The following NF1 variants were observed in gnomAD, a reference collection of about 807,000 sequenced individuals.
The protein encoded by NF1 is neurofibromin.
NF1 carries 122 observed loss-of-function variants against 325.7 expected under a neutral mutation model. The ratio of observed to expected loss-of-function variants is 0.37; its 90% CI spans 0.32 to 0.44. The LOEUF is 0.44. Among genes scored for constraint, NF1 ranks in the 20% least tolerant of loss-of-function variants. The pLI, the probability that NF1 is intolerant of heterozygous loss-of-function variation, is 1.00. For missense variants in NF1, 2,140 were observed against 3,415.4 expected, an observed-to-expected ratio of 0.63 and a Z score of 9.31; for synonymous variants, 1,091 against 1,186.0, an observed-to-expected ratio of 0.92 and a Z score of 1.65.
intron 12 of NF1, among the ~76,000 whole-genome samples, chr17:31,211,661 A>G (rs1437063208): frequency 6.6e-6 from 1 of 152,228 alleles, no homozygotes; most frequent in Non-Finnish European, 1.5e-5. Context: ...ATGTTACTGT[A>G]CTGAATACCT....
intron 36 of NF1, among the ~76,000 whole-genome samples, chr17:31,317,147 G>A (rs1295423493): frequency 2.0e-5 from 3 of 152,070 alleles, no homozygotes; most frequent in Non-Finnish European, 2.9e-5. Flanking sequence ...TATATTGCCC[G>A]AAATAAATGC....
At chr17:31,296,373 C>A (rs1285039481) in intron 36 of NF1, 1 of 1,612,160 alleles carries the variant, frequency 6.2e-7, no homozygotes, top group Non-Finnish European at 8.5e-7. Flanking sequence ...TTTTAATATG[C>A]AAATACAGTT....
At chr17:31,162,417 C>T (rs1229605545) in intron 3 of NF1, among the ~76,000 whole-genome samples, 1 of 152,202 alleles carries the variant, frequency 6.6e-6, no homozygotes, top group African/African-American at 2.4e-5. Context: ...GTGGAAGTTG[C>T]AGTGAGCTGA....
rs1047096273 is a variant in NF1, at chr17:31,311,646, G to A, written c.4836-14174G>A. 6.6e-5 allele frequency among the ~76,000 whole-genome samples: 10 copies of A among 152,290 alleles called. No homozygotes were observed. In the East Asian group the frequency reaches 1.5e-3, roughly 23 times the overall value. ...TTACTGAGCACCCACCAAAGGCTAA[G>A]CAGTATCCTATTTTAATTAGCTAGG... On this transcript the variant is annotated intron_variant, in intron 36 of 57. Coordinates refer to ENST00000358273, the MANE Select transcript of NF1 (RefSeq NM_001042492.3).
chr17:31,214,513 G>C lies in NF1; in HGVS notation c.1455G>C (p.Glu485Asp), dbSNP rs2143959457. The C allele has an allele frequency of 6.2e-7, 1 of 1,609,936 alleles. No individual in the cohort carries two copies. The highest frequency in any genetic ancestry group is 1.1e-5 in the South Asian group (1 of 90,960). ...LKFKEKPTDL[E>D]TRSYKYLLLS... is the part of the protein sequence containing the mutation. ...TTAAAGAAAAACCTACAGACCTGGA[G>C]ACAAGAAGCTATAAGTATCTTCTCT... The change falls in exon 13 of 58, where the codon GAG (glutamate) becomes GAC (aspartate). Residue 485 changes from glutamate (E) to aspartate (D), a missense_variant. Coordinates refer to ENST00000358273, the MANE Select transcript of NF1 (RefSeq NM_001042492.3).
rs2069710206 is a variant in NF1 at position 31,337,610 on chromosome 17, A to G, written c.6642+28A>G. On this transcript the variant is annotated intron_variant, in intron 43 of 57. Transcript: ENST00000358273. ...ATAGAAGCCAAAATGATAAGAAACTAAGTTAAAATCTTTTTTTAAAAATAT... is the reference window on the plus strand; with the variant it reads ...ATAGAAGCCAAAATGATAAGAAACTGAGTTAAAATCTTTTTTTAAAAATAT... 3 of 1,598,538 alleles carry G rather than the reference A, an allele frequency of 1.9e-6. No individual in the cohort carries two copies. Among genetic ancestry groups the G allele is most frequent in the Non-Finnish European group, 2.6e-6 (3 of 1,168,354 alleles).
Position 31,223,501 on chromosome 17 carries a change from C to T in NF1, c.1779C>T (p.Ser593=). Residue 593 remains serine, a synonymous_variant, in exon 16 of 58, where the codon AGC becomes AGT. Transcript: ENST00000358273. ...TAACTAGTCATCAAATGCTTAGTAGCACAGAAATTCTCAAGTGGTTGCGGG... is the reference window on the plus strand; with the variant it reads ...TAACTAGTCATCAAATGCTTAGTAGTACAGAAATTCTCAAGTGGTTGCGGG... The part of the protein sequence containing the change: ...KKLTSHQMLS[S]TEILKWLREI... 1 of 1,612,822 alleles carries T rather than the reference C, an allele frequency of 6.2e-7. No homozygotes were observed. The highest frequency in any genetic ancestry group is 2.2e-5 in the East Asian group (1 of 44,786).
rs780400882 is a variant in NF1, at chr17:31,181,504, C to A, written c.654+15C>A. 1.2e-6 allele frequency: 2 copies of A among 1,612,012 alleles called. No individual in the cohort carries two copies. Among genetic ancestry groups the A allele is most frequent in the Non-Finnish European group, 8.5e-7 (1 of 1,178,416 alleles). On this transcript the variant is annotated intron_variant, in intron 6 of 57. Coordinates refer to ENST00000358273, the MANE Select transcript of NF1 (RefSeq NM_001042492.3). ...GCCTGGAAAAGGTAAGTTACAACCT[C>A]TCTGGTATTAAAATTTTGTTTTTGA...
intron 8 of NF1, among the ~76,000 whole-genome samples, chr17:31,188,327 C>T (rs773781393): frequency 6.6e-6 from 1 of 152,144 alleles, no homozygotes; most frequent in African/African-American, 2.4e-5. Context: ...CATGTATACA[C>T]CTGTACTAAG....
rs2151554034 is a variant in NF1, at chr17:31,336,586, T to A, written c.6148-49T>A. On this transcript the variant is annotated intron_variant, in intron 41 of 57. Coordinates refer to ENST00000358273, the MANE Select transcript of NF1 (RefSeq NM_001042492.3). This position sits in a 1 kb window ranked among gnomAD's most constrained non-coding sequence, Gnocchi z 5.5. ...ACTGAACTTTTTTGTGCTAAAACTT[T>A]GAGTCCCATGTTTTTTTTTTTAAAA... 6.4e-7 allele frequency: 1 copy of A among 1,564,850 alleles called. No individual in the cohort carries two copies. The highest frequency in any genetic ancestry group is 8.6e-7 in the Non-Finnish European group (1 of 1,157,504).
intron 8 of NF1, among the ~76,000 whole-genome samples, chr17:31,194,292 A>G (rs1260626294): frequency 6.6e-6 from 1 of 152,200 alleles, no homozygotes; most frequent in Non-Finnish European, 1.5e-5. Flanking sequence ...GGGACAGAAC[A>G]TTAAACACTG....
chr17:31,219,633 C>T (rs1309689517), intron 14 of NF1, among the ~76,000 whole-genome samples: 1 of 126,700 alleles, frequency 7.9e-6, no homozygotes. Flanking sequence ...TCCCTCCCCC[C>T]TCCCCCCTAA....
chr17:31,318,737 C>T (rs1597819760), intron 36 of NF1: 1 of 1,613,954 alleles, frequency 6.2e-7, no homozygotes, highest in South Asian at 1.1e-5. Flanking sequence ...ATATAAAGCT[C>T]CTGTTCAGAT....
At chr17:31,318,921 G>A (rs757022913) in intron 36 of NF1, 2 of 1,613,996 alleles carry the variant, frequency 1.2e-6, no homozygotes, top group South Asian at 1.1e-5. Flanking sequence ...GACGGGTATA[G>A]TTTGCTTTTG....
chr17:31,260,317 A>G, intron 33 of NF1, 52 bp from the exon 34 acceptor site: 1 of 1,570,516 alleles, frequency 6.4e-7, no homozygotes, highest in Non-Finnish European at 8.8e-7. Flanking sequence ...ATTCAAACAT[A>G]AGTCTGGGTG....
intron 36 of NF1, among the ~76,000 whole-genome samples, chr17:31,324,684 C>T (rs2069297814): frequency 6.6e-6 from 1 of 152,166 alleles, no homozygotes; most frequent in South Asian, 2.1e-4. Context: ...GCCTCAGCCT[C>T]CCAAGTAGCT....
At chr17:31,271,374 A>T (rs12950506) in intron 36 of NF1, among the ~76,000 whole-genome samples, 25 of 151,804 alleles carry the variant, frequency 1.6e-4, no homozygotes, top group East Asian at 7.7e-4. Flanking sequence ...TAACACATTC[A>T]TGAAATATGT....
At chr17:31,274,294 T>C (rs1031613037) in intron 36 of NF1, among the ~76,000 whole-genome samples, 2 of 152,172 alleles carry the variant, frequency 1.3e-5, no homozygotes, top group African/African-American at 2.4e-5. Flanking sequence ...CCGTTTTCCA[T>C]GATAACTAGC....
chr17:31,184,822 A>G (rs999382015), intron 8 of NF1, among the ~76,000 whole-genome samples: 3 of 152,092 alleles, frequency 2.0e-5, no homozygotes, highest in Admixed American at 1.3e-4. Context: ...AACAAACACA[A>G]ACTCTTATCA....
Sources: gnomAD v4.1 joint callset for allele counts (sites outside exome capture counted in the v4.1 genomes callset) on GRCh38, gnomAD v4.1.1 for gene constraint, Gnocchi (gnomAD v3.1) non-coding constraint, MANE v1.5 for transcripts, NCBI Gene and HGNC (gene_info 2026-07-23, HGNC 2026-07-21) for gene names.